The following IFFO1 variants were observed in gnomAD, a reference collection of about 807,000 sequenced individuals.
The protein encoded by IFFO1 is non-homologous end joining factor IFFO1.
A neutral mutation model predicts 59.6 loss-of-function variants in IFFO1; 42 were observed. The ratio of observed to expected loss-of-function variants is 0.70; its 90% CI spans 0.55 to 0.91. The LOEUF (loss-of-function observed/expected upper bound fraction) is 0.91, where lower values mean the gene tolerates loss of function less well. Ranked by LOEUF, IFFO1 falls within the 40% of genes least tolerant of loss-of-function variation. IFFO1 has a pLI of 0.00. For missense variants in IFFO1, 711 were observed against 793.2 expected, an observed-to-expected ratio of 0.90 and a Z score of 1.24; for synonymous variants, 336 against 342.8, an observed-to-expected ratio of 0.98 and a Z score of 0.22.
At position 6,555,935 on chromosome 12, in the gene IFFO1, A is replaced by G; in HGVS notation, c.95T>C (p.Phe32Ser). 1 of 1,550,768 alleles carries G rather than the reference A, an allele frequency of 6.4e-7. No individual in the cohort carries two copies. Among genetic ancestry groups the G allele is most frequent in the Non-Finnish European group, 8.7e-7 (1 of 1,154,246 alleles). Residue 32 changes from phenylalanine to serine, a missense_variant, in exon 1 of 10, where the codon TTC (phenylalanine) becomes TCC (serine). Physicochemically the swap from Phe to Ser is radical, Grantham distance 155. Coordinates refer to ENST00000619571, the MANE Select transcript of IFFO1 (RefSeq NM_001193457.2). This position sits in a 1 kb window ranked among gnomAD's most constrained non-coding sequence, Gnocchi z 8.6. ...PLGDSLGGDH[F>S]AGGGDLPPAP... is the part of the protein sequence containing the mutation. ...CGGGGGCAAGTCTCCTCCCCCGGCG[A>G]AGTGGTCGCCTCCCAGTGAGTCCCC... is the stretch of plus-strand genomic sequence containing the variant.
rs1050285451 is a variant in IFFO1, at chr12:6,555,216, G to C, written c.773+41C>G. On this transcript the variant is annotated intron_variant, in intron 1 of 9. Coordinates refer to ENST00000619571, the MANE Select transcript of IFFO1 (RefSeq NM_001193457.2). The surrounding 1 kb of genome is among the most constrained non-coding windows in gnomAD (Gnocchi z 8.6). ...ACCAACTCGCGGCCCGTTGTGAGTGGTATGACACAGAGAGACCTGTCCCCC... is the reference window on the plus strand; with the variant it reads ...ACCAACTCGCGGCCCGTTGTGAGTGCTATGACACAGAGAGACCTGTCCCCC... 6 of 1,597,582 alleles carry C rather than the reference G, an allele frequency of 3.8e-6. No homozygotes were observed. Among genetic ancestry groups the C allele is most frequent in the Non-Finnish European group, 5.1e-6 (6 of 1,165,648 alleles).
At position 6,548,374 on chromosome 12, in the gene IFFO1, C is replaced by T; in HGVS notation, c.1383+51G>A. 4.4e-6 allele frequency: 7 copies of T among 1,573,240 alleles called. No individual in the cohort carries two copies. The highest frequency in any genetic ancestry group is 6.0e-6 in the Non-Finnish European group (7 of 1,160,192). On this transcript the variant is annotated intron_variant, in intron 7 of 9. Transcript: ENST00000619571. This position sits in a 1 kb window ranked among gnomAD's most constrained non-coding sequence, Gnocchi z 6.1. ...AGGAGAGGAGCGGGGGAGTGGGCTT[C>T]AGGCTGGAGAGGCAGAGCCAGAGGG... is the stretch of plus-strand genomic sequence containing the variant.
chr12:6,541,707 C>A lies in IFFO1; in HGVS notation c.1480-65G>T. 1 of 1,600,144 alleles carries A rather than the reference C, an allele frequency of 6.2e-7. No individual in the cohort carries two copies. The stretch of plus-strand genomic sequence containing the variant: ...GCGTTCACAGCGCCTCTGTTGCCCC[C>A]GCCAGGAGGCCAACACGCCAAGAGC... On this transcript the variant is annotated intron_variant, in intron 8 of 9. Transcript: ENST00000619571. This position sits in a 1 kb window ranked among gnomAD's most constrained non-coding sequence, Gnocchi z 4.8.
intron 8 of IFFO1, among the ~76,000 whole-genome samples, chr12:6,545,089 C>A (rs1440633543): frequency 6.6e-6 from 1 of 151,872 alleles, no homozygotes; most frequent in Non-Finnish European, 1.5e-5. Flanking sequence ...GTGGCAGGCG[C>A]CTGTAGTCCC....
Position 6,540,605 on chromosome 12 carries a change from G to C in IFFO1, c.1611-17C>G. 6.2e-7 allele frequency: 1 copy of C among 1,605,018 alleles called. No homozygotes were observed. Among genetic ancestry groups the C allele is most frequent in the Non-Finnish European group, 8.5e-7 (1 of 1,172,564 alleles). ...GGAGACTTTCTAGAAAAAAACACCA[G>C]TTGTCAACCTTGGGGCAGGCAGGAA... On this transcript the variant is annotated splice_polypyrimidine_tract_variant and intron_variant, in intron 9 of 9. Transcript: ENST00000619571.
In IFFO1 at chr12:6,541,664, C is replaced by T. The variant is rs367585724; in HGVS notation, c.1480-22G>A. 6.2e-7 allele frequency: 1 copy of T among 1,613,528 alleles called. No homozygotes were observed. Among genetic ancestry groups the T allele is most frequent in the Non-Finnish European group, 8.5e-7 (1 of 1,179,944 alleles). Reference sequence around the variant, plus strand: ...CCAGCTGTGGTGGGGCAGGCAGGGCCATCGGGGTTAACAGGTGGCGTTCAC... The same window carrying T: ...CCAGCTGTGGTGGGGCAGGCAGGGCTATCGGGGTTAACAGGTGGCGTTCAC... On this transcript the variant is annotated intron_variant, in intron 8 of 9. Transcript: ENST00000619571. This position sits in a 1 kb window ranked among gnomAD's most constrained non-coding sequence, Gnocchi z 4.8.
At chr12:6,542,181 C>T (rs1367663488) in intron 8 of IFFO1, among the ~76,000 whole-genome samples, 2 of 152,228 alleles carry the variant, frequency 1.3e-5, no homozygotes, top group Non-Finnish European at 2.9e-5. Flanking sequence ...TTACCATTCT[C>T]TCCTTATCAC....
At position 6,555,798 on chromosome 12, in the gene IFFO1, T is replaced by C. The variant is rs757483064; in HGVS notation, c.232A>G (p.Lys78Glu). 6.2e-7 allele frequency: 1 copy of C among 1,612,612 alleles called. No individual in the cohort carries two copies. The highest frequency in any genetic ancestry group is 2.2e-5 in the East Asian group (1 of 44,718). The change falls in exon 1 of 10, where the codon AAG (lysine) becomes GAG (glutamate). Residue 78 changes from lysine to glutamate, a missense_variant. This residue lies in a region of IFFO1 where 18 missense variants were observed against 40.5 expected (regional missense o/e 0.44). Coordinates refer to ENST00000619571, the MANE Select transcript of IFFO1 (RefSeq NM_001193457.2). The surrounding 1 kb of genome is among the most constrained non-coding windows in gnomAD (Gnocchi z 8.6). ...NDLGSNINVL[K>E]TLNLRFRCFL... ...CAGCGGAACCGGAGGTTCAGGGTCT[T>C]GAGCACGTTGATGTTGGAGCCCAGG...
In IFFO1 at chr12:6,555,477, A is replaced by AT; in HGVS notation, c.552_553insA (p.Tyr185IlefsTer91). The AT allele has an allele frequency of 1.9e-6, 3 of 1,610,646 alleles. No homozygotes were observed. The highest frequency in any genetic ancestry group is 2.5e-6 in the Non-Finnish European group (3 of 1,178,486). Reference sequence around the variant, plus strand: ...GGCATGAAGCGGGCCGACGAGGAATAGGTGGTGGAGGTGGAGGTGGAGGAC... The same window carrying AT: ...GGCATGAAGCGGGCCGACGAGGAATATGGTGGTGGAGGTGGAGGTGGAGGAC... On this transcript the variant is annotated frameshift_variant, in exon 1 of 10. Transcript: ENST00000619571. LOFTEE classifies it high-confidence loss of function. The surrounding 1 kb of genome is among the most constrained non-coding windows in gnomAD (Gnocchi z 8.6).
Position 6,539,908 on chromosome 12 carries a change from A to G in IFFO1, c.*575T>C, listed in dbSNP as rs141560249. On this transcript the variant is annotated 3_prime_UTR_variant, in exon 10 of 10. Coordinates refer to ENST00000619571, the MANE Select transcript of IFFO1 (RefSeq NM_001193457.2). ...ACGAGGGAGGGCCACAGCCACATAC[A>G]CTCCACCTGGCAGGTGGACAGCGTG... The G allele has an allele frequency of 2.0e-3, 316 of 157,116 alleles. 2 individuals are homozygous for G. The highest frequency in any genetic ancestry group is 3.2e-3 in the Non-Finnish European group (229 of 70,582). 9.7% of individuals were successfully genotyped at this position (157,116 alleles called of 1,614,324 possible). A position where few individuals can be genotyped will look rare whatever the true frequency, so the allele number is the denominator to read the frequency against.
rs1440363997 is a variant in IFFO1, at chr12:6,555,295, C to T, written c.735G>A (p.Leu245=). Residue 245 remains leucine, a synonymous_variant, in exon 1 of 10, where the codon CTG becomes CTA. Coordinates refer to ENST00000619571, the MANE Select transcript of IFFO1 (RefSeq NM_001193457.2). The surrounding 1 kb of genome is among the most constrained non-coding windows in gnomAD (Gnocchi z 8.6). The part of the protein sequence containing the change: ...TPEIRALYNV[L]AKVKRERDEY... ...CGTCCCGCTCCCGCTTCACTTTGGC[C>T]AGCACGTTGTAGAGAGCGCGGATCT... is the stretch of plus-strand genomic sequence containing the variant. The T allele has an allele frequency of 2.5e-6, 4 of 1,614,200 alleles. No homozygotes were observed. The East Asian group carries it at 6.7e-5, about 27-fold the overall frequency.
In IFFO1 at chr12:6,548,544, T is replaced by C; in HGVS notation, c.1264A>G (p.Arg422Gly). ...EEMQRMLNQL[R>G]EYDFEDDCDS... is the part of the protein sequence containing the mutation. ...CAGTCGTCCTCAAAATCATACTCCC[T>C]CCTAGAGACAGGGAACCCGGGTGTC... is the stretch of plus-strand genomic sequence containing the variant. The change falls in exon 7 of 10, where the codon AGG (arginine) becomes GGG (glycine). Residue 422 changes from arginine to glycine, a missense_variant and splice_region_variant. Transcript: ENST00000619571. The surrounding 1 kb of genome is among the most constrained non-coding windows in gnomAD (Gnocchi z 6.1). 1 of 1,613,530 alleles carries C rather than the reference T, an allele frequency of 6.2e-7. No homozygotes were observed. Among genetic ancestry groups the C allele is most frequent in the African/African-American group, 1.3e-5 (1 of 75,024 alleles).
intron 1 of IFFO1, 86 bp from the exon 2 acceptor site, chr12:6,551,087 A>C: frequency 5.8e-6 from 8 of 1,372,176 alleles, no homozygotes; most frequent in South Asian, 1.2e-5. Context: ...TCTCTGGCTC[A>C]GGCCTCAGAC....
At chr12:6,550,611 C>A in intron 3 of IFFO1, 84 bp downstream of exon 3, 1 of 1,007,356 alleles carries the variant, frequency 9.9e-7, no homozygotes, top group Non-Finnish European at 1.5e-6. Context: ...GGACGGGAGG[C>A]CAACAGGCCA....
rs1946597973 is a variant in IFFO1 at position 6,539,554 on chromosome 12, T to A, written c.*929A>T. 6.6e-6 allele frequency: 1 copy of A among 152,142 alleles called. No individual in the cohort carries two copies. The highest frequency in any genetic ancestry group is 1.5e-5 in the Non-Finnish European group (1 of 68,026). The allele number at this position is 152,142 out of a possible 1,614,324, so 9.4% of individuals were successfully genotyped here. A position where few individuals can be genotyped will look rare whatever the true frequency, so the allele number is the denominator to read the frequency against. On this transcript the variant is annotated 3_prime_UTR_variant, in exon 10 of 10. Transcript: ENST00000619571. ...GCACAATAAATACTCGCCAGTTTCATTATTATTAAAGAATCCATTTGAATG... is the reference window on the plus strand; with the variant it reads ...GCACAATAAATACTCGCCAGTTTCAATATTATTAAAGAATCCATTTGAATG...
rs981354713 is a variant in IFFO1, at chr12:6,549,662, A to T, written c.1071+94T>A. 1 of 1,521,916 alleles carries T rather than the reference A, an allele frequency of 6.6e-7. No individual in the cohort carries two copies. The highest frequency in any genetic ancestry group is 1.4e-5 in the African/African-American group (1 of 73,046). 94.3% of individuals were successfully genotyped at this position (1,521,916 alleles called of 1,614,324 possible). A position where few individuals can be genotyped will look rare whatever the true frequency, so the allele number is the denominator to read the frequency against. On this transcript the variant is annotated intron_variant, in intron 4 of 9. Coordinates refer to ENST00000619571, the MANE Select transcript of IFFO1 (RefSeq NM_001193457.2). This position sits in a 1 kb window ranked among gnomAD's most constrained non-coding sequence, Gnocchi z 5.0. ...CCCAGTTGCCAGGTAAGGCTCCCCAAGCAGGAGGCAGGGCCTGCGTTCCAG... is the reference window on the plus strand; with the variant it reads ...CCCAGTTGCCAGGTAAGGCTCCCCATGCAGGAGGCAGGGCCTGCGTTCCAG...
intron 1 of IFFO1, among the ~76,000 whole-genome samples, chr12:6,554,863 A>G (rs1454700692): frequency 6.6e-6 from 1 of 152,178 alleles, no homozygotes; most frequent in African/African-American, 2.4e-5. Context: ...GTTTCACTCA[A>G]TTTAGTCTCC....
rs1171410969 is a variant in IFFO1, at chr12:6,550,954, T to C, written c.821A>G (p.Asn274Ser). ...TVRIQLQDRV[N>S]ELQEEAQEAD... is the part of the protein sequence containing the mutation. ...CGCCACCCTCACCTCCTGGAGCTCA[T>C]TTACACGGTCTTGCAGCTGGATCCG... Residue 274 changes from asparagine to serine, a missense_variant, in exon 2 of 10, where the codon AAT becomes AGT. Asn to Ser is a conservative substitution (Grantham distance 46). Around this residue, in one of 3 missense-constraint regions of IFFO1, gnomAD observed 579 missense variants for 650.3 expected, o/e 0.89. Coordinates refer to ENST00000619571, the MANE Select transcript of IFFO1 (RefSeq NM_001193457.2). 1 of 1,614,184 alleles carries C rather than the reference T, an allele frequency of 6.2e-7. No individual in the cohort carries two copies. Among genetic ancestry groups the C allele is most frequent in the East Asian group, 2.2e-5 (1 of 44,886 alleles).
In IFFO1 at chr12:6,555,027, A is replaced by G. The variant is rs543798010; in HGVS notation, c.773+230T>C. On this transcript the variant is annotated intron_variant, in intron 1 of 9. Coordinates refer to ENST00000619571, the MANE Select transcript of IFFO1 (RefSeq NM_001193457.2). The surrounding 1 kb of genome is among the most constrained non-coding windows in gnomAD (Gnocchi z 8.6). ...GGCAGAGACAAGCCGGAAAAGTAGG[A>G]ATCCCCCCGTGTTCCGCTCCCAGCG... Among the ~76,000 whole-genome samples the G allele has an allele frequency of 4.4e-4, 67 of 152,344 alleles. No homozygotes were observed. The highest frequency in any genetic ancestry group is 1.6e-3 in the African/African-American group (66 of 41,582).
Sources: allele counts gnomAD v4.1 joint callset (sites outside exome capture counted in the v4.1 genomes callset), GRCh38; gene constraint gnomAD v4.1.1; regional missense constraint gnomAD v4.1.1; non-coding constraint Gnocchi (gnomAD v3.1); transcripts MANE v1.5; gene names NCBI Gene and HGNC (gene_info 2026-07-23, HGNC 2026-07-21).